The following CLCN3 variants were observed in gnomAD, a reference collection of about 807,000 sequenced individuals.
CLCN3 encodes the protein H(+)/Cl(-) exchange transporter 3.
In CLCN3, 16 loss-of-function variants were observed where a neutral mutation model predicts 83.4. The ratio of observed to expected loss-of-function variants is 0.19; its 90% CI spans 0.13 to 0.29. CLCN3 has a LOEUF of 0.29. CLCN3 is among the 10% of genes least tolerant of loss of function. The probability of loss-of-function intolerance (pLI) is 1.00; values close to 1 mark genes in which losing one functional copy is unlikely to be tolerated. For synonymous variants in CLCN3, 322 were observed against 346.2 expected, an observed-to-expected ratio of 0.93 and a Z score of 0.78; for missense variants, 544 against 1,006.0, an observed-to-expected ratio of 0.54 and a Z score of 6.21.
Position 169,620,625 on chromosome 4 carries a change from CCCCTTT to C in CLCN3, c.-451_-446del. The stretch of plus-strand genomic sequence containing the variant: ...GGCCGGTCCGGTCCGGAACCTGCAG[CCCCTTT>C]CCCAGTGTTCTAGTTCGCCCGTGAC... On this transcript the variant is annotated 5_prime_UTR_variant, in exon 1 of 13. Transcript: ENST00000513761. 2 of 397,604 alleles carry C rather than the reference CCCCTTT, an allele frequency of 5.0e-6. No individual in the cohort carries two copies. The highest frequency in any genetic ancestry group is 8.9e-6 in the Non-Finnish European group (2 of 225,972). 24.6% of individuals were successfully genotyped at this position (397,604 alleles called of 1,614,324 possible). A position where few individuals can be genotyped will look rare whatever the true frequency, so the allele number is the denominator to read the frequency against.
At chr4:169,691,789 A>C (rs1467761673) in intron 6 of CLCN3, among the ~76,000 whole-genome samples, 1 of 152,216 alleles carries the variant, frequency 6.6e-6, no homozygotes, top group Non-Finnish European at 1.5e-5. Context: ...CAACAGAAAT[A>C]TTCAAATTTG....
At chr4:169,621,498 G>T (rs1773111662) in intron 1 of CLCN3, among the ~76,000 whole-genome samples, 1 of 152,174 alleles carries the variant, frequency 6.6e-6, no homozygotes, top group Non-Finnish European at 1.5e-5. Flanking sequence ...AATTGACTTT[G>T]CATGTGGTAT....
chr4:169,683,159 C>T (rs1247639120), intron 3 of CLCN3, among the ~76,000 whole-genome samples: 5 of 152,024 alleles, frequency 3.3e-5, no homozygotes, highest in Non-Finnish European at 7.4e-5. Context: ...AGAGAGTATC[C>T]ATGACACTAT....
intron 2 of CLCN3, among the ~76,000 whole-genome samples, chr4:169,667,320 G>T (rs534160515): frequency 6.6e-6 from 1 of 150,796 alleles, no homozygotes; most frequent in Non-Finnish European, 1.5e-5. Flanking sequence ...TTTAACCGCT[G>T]TTACTCAGTT....
chr4:169,685,857 C>T (rs1732132807), intron 3 of CLCN3, among the ~76,000 whole-genome samples: 1 of 152,082 alleles, frequency 6.6e-6, no homozygotes, highest in Non-Finnish European at 1.5e-5. Context: ...AAGAAATAAC[C>T]TATTTCTAAT....
At chr4:169,654,328 ATAGT>A (rs770166131) in intron 2 of CLCN3, among the ~76,000 whole-genome samples, 16 of 150,956 alleles carry the variant, frequency 1.1e-4, no homozygotes, top group Admixed American at 2.0e-4. Context: ...AGATTTATCA[ATAGT>A]TAGTTTTTCC....
chr4:169,623,682 C>T (rs1479667533), intron 1 of CLCN3, among the ~76,000 whole-genome samples: 1 of 152,106 alleles, frequency 6.6e-6, no homozygotes, highest in African/African-American at 2.4e-5. Context: ...TTCTCCCTAG[C>T]CTTTGTAGAC....
intron 3 of CLCN3, chr4:169,680,439 C>A: frequency 1.6e-5 from 6 of 371,986 alleles, no homozygotes; most frequent in South Asian, 1.1e-4. Context: ...CAAAGAAATA[C>A]AATAAGAAGA....
At position 169,635,905 on chromosome 4, in the gene CLCN3, C is replaced by T; in HGVS notation, c.-16-8C>T. The T allele has an allele frequency of 1.3e-6, 2 of 1,512,628 alleles. No individual in the cohort carries two copies. Among genetic ancestry groups the T allele is most frequent in the Non-Finnish European group, 1.8e-6 (2 of 1,126,914 alleles). 93.7% of individuals were successfully genotyped at this position (1,512,628 alleles called of 1,614,324 possible). A position where few individuals can be genotyped will look rare whatever the true frequency, so the allele number is the denominator to read the frequency against. On this transcript the variant is annotated splice_region_variant and splice_polypyrimidine_tract_variant and intron_variant, in intron 1 of 12. Transcript: ENST00000513761. The stretch of plus-strand genomic sequence containing the variant: ...AAAAATGTTAAAACTACTTTTTCCC[C>T]CCCACAGATAATCAGACAGCTAAAT...
At chr4:169,656,260 C>T (rs563741405) in intron 2 of CLCN3, among the ~76,000 whole-genome samples, 4 of 152,246 alleles carry the variant, frequency 2.6e-5, no homozygotes, top group African/African-American at 9.6e-5. Flanking sequence ...CAGTTCTGCA[C>T]GCTGTACGCG....
chr4:169,634,642 T>A (rs1303657229), intron 1 of CLCN3, among the ~76,000 whole-genome samples: 1 of 152,226 alleles, frequency 6.6e-6, no homozygotes, highest in African/African-American at 2.4e-5. Context: ...ACATTTTTCT[T>A]TTTTAATTTG....
chr4:169,696,491 A>C (rs1200279024), intron 8 of CLCN3, among the ~76,000 whole-genome samples: 1 of 152,154 alleles, frequency 6.6e-6, no homozygotes, highest in Non-Finnish European at 1.5e-5. Flanking sequence ...ACATTGCGGA[A>C]TAATCAAATC....
intron 11 of CLCN3, among the ~76,000 whole-genome samples, chr4:169,712,584 A>G (rs945698044): frequency 5.7e-4 from 87 of 152,240 alleles, no homozygotes; most frequent in Admixed American, 5.7e-3. Context: ...ATGAGAAAAG[A>G]AAAAGAACCA....
At position 169,680,059 on chromosome 4, in the gene CLCN3, A is replaced by T; in HGVS notation, c.170A>T (p.Tyr57Phe). 1.9e-6 allele frequency: 3 copies of T among 1,611,534 alleles called. No homozygotes were observed. The highest frequency in any genetic ancestry group is 2.5e-6 in the Non-Finnish European group (3 of 1,177,768). The change falls in exon 3 of 13, where the codon TAT becomes TTT. Residue 57 changes from tyrosine to phenylalanine, a missense_variant. Coordinates refer to ENST00000513761, the MANE Select transcript of CLCN3 (RefSeq NM_001829.4). ...LDGDTAVGTHYTMTNGGSINS... is the reference protein window; with the variant it reads ...LDGDTAVGTHFTMTNGGSINS... ...CTTTTCTCTTCTGTAGGAACTCATT[A>T]TACAATGACAAATGGAGGCAGCATT... is the stretch of plus-strand genomic sequence containing the variant.
intron 11 of CLCN3, among the ~76,000 whole-genome samples, chr4:169,710,555 C>T (rs965242985): frequency 3.3e-5 from 5 of 152,146 alleles, no homozygotes; most frequent in Non-Finnish European, 5.9e-5. Flanking sequence ...TGTGAGCCAC[C>T]ACACCTGGCG....
rs1733573253 is a variant in CLCN3 at position 169,720,017 on chromosome 4, A to G, written c.*20A>G. 6.2e-7 allele frequency: 1 copy of G among 1,613,714 alleles called. No homozygotes were observed. Among genetic ancestry groups the G allele is most frequent in the African/African-American group, 1.3e-5 (1 of 74,924 alleles). ...AACTGAATCTCACAGATGAGGAGAG[A>G]GAAGAAACGGAAGAGGAAGTTTATT... On this transcript the variant is annotated 3_prime_UTR_variant, in exon 13 of 13. Coordinates refer to ENST00000513761, the MANE Select transcript of CLCN3 (RefSeq NM_001829.4).
rs181545562 is a variant in CLCN3 at position 169,713,552 on chromosome 4, G to T, written c.2366+257G>T. ...CAAAGTTGGAAAAGAGGTGCTGAAA[G>T]ATCTCCAGCATGAAAGCATGTTGAG... On this transcript the variant is annotated intron_variant, in intron 12 of 12. Coordinates refer to ENST00000513761, the MANE Select transcript of CLCN3 (RefSeq NM_001829.4). Among the ~76,000 whole-genome samples, 475 of 152,316 alleles carry T rather than the reference G, an allele frequency of 3.1e-3. 3 individuals are homozygous for T. The highest frequency in any genetic ancestry group is 0.011 in the African/African-American group (451 of 41,568).
At chr4:169,623,295 G>GTTTA (rs1773152326) in intron 1 of CLCN3, among the ~76,000 whole-genome samples, 2 of 152,114 alleles carry the variant, frequency 1.3e-5, no homozygotes, top group African/African-American at 4.8e-5. Context: ...TTGTATGTGT[G>GTTTA]TTTATTCCGT....
At chr4:169,669,464 A>G (rs1175781866) in intron 2 of CLCN3, among the ~76,000 whole-genome samples, 1 of 152,172 alleles carries the variant, frequency 6.6e-6, no homozygotes, top group Non-Finnish European at 1.5e-5. Flanking sequence ...TTTCCAGCCT[A>G]GGTGGCAGAG....
Sources: allele counts gnomAD v4.1 joint callset (sites outside exome capture counted in the v4.1 genomes callset), GRCh38; gene constraint gnomAD v4.1.1; transcripts MANE v1.5; gene names NCBI Gene and HGNC (gene_info 2026-07-23, HGNC 2026-07-21).